Variants in BBS7 observed in about 807,000 individuals in gnomAD.
BBS7 encodes the protein BBSome complex member BBS7.
In BBS7, 50 loss-of-function variants were observed where a neutral mutation model predicts 90.3. The ratio of observed to expected loss-of-function variants is 0.55; its 90% CI spans 0.44 to 0.70. The LOEUF is 0.70. Among genes scored for constraint, BBS7 ranks in the 30% least tolerant of loss-of-function variants. The pLI, the probability that BBS7 is intolerant of heterozygous loss-of-function variation, is 0.00. For synonymous variants in BBS7, 235 were observed against 287.4 expected (o/e 0.82, Z 1.85); for missense variants, 729 against 838.9 (o/e 0.87, Z 1.62).
Position 121,852,996 on chromosome 4 carries a change from C to CTA in BBS7, c.807_808dup (p.Ser270IlefsTer29), listed in dbSNP as rs752429735. On this transcript the variant is annotated frameshift_variant, in exon 8 of 19. Transcript: ENST00000264499. LOFTEE classifies it high-confidence loss of function. ...AACAGGTTCATTTGCATTATCAAAACTATACACTTCCACCATTCCGTCATC... is the reference window on the plus strand; with the variant it reads ...AACAGGTTCATTTGCATTATCAAAACTATATACACTTCCACCATTCCGTCATC... 1 of 1,613,786 alleles carries CTA rather than the reference C, an allele frequency of 6.2e-7. No homozygotes were observed. Among genetic ancestry groups the CTA allele is most frequent in the Admixed American group, 1.7e-5 (1 of 59,992 alleles).
At chr4:121,843,672 C>T (rs1486492588) in intron 12 of BBS7, among the ~76,000 whole-genome samples, 3 of 152,012 alleles carry the variant, frequency 2.0e-5, no homozygotes, top group African/African-American at 4.8e-5. Flanking sequence ...ATCCAAAATC[C>T]AAAATACTTC....
chr4:121,833,478 G>GT, intron 14 of BBS7, 83 bp from the exon 15 acceptor site: 1 of 1,219,712 alleles, frequency 8.2e-7, no homozygotes, highest in Admixed American at 1.8e-5. Context: ...GCAGAATTTT[G>GT]TAATAGTTGT....
chr4:121,828,462 G>C lies in BBS7; in HGVS notation c.1830C>G (p.His610Gln). 1 of 1,613,920 alleles carries C rather than the reference G, an allele frequency of 6.2e-7. No homozygotes were observed. The change falls in exon 17 of 19, where the codon CAC (histidine) becomes CAG (glutamine). Residue 610 changes from histidine (H) to glutamine (Q), a missense_variant. Physicochemically the swap from His to Gln is conservative, Grantham distance 24 (BLOSUM62 0). Transcript: ENST00000264499. ...VSVKHTLKLI[H>Q]PKLEYQLLLA... ...AAAGCAACTGGTACTCCAGCTTTGGGTGGATTAGCTTTAAAGTGTGTTTGA... is the reference window on the plus strand; with the variant it reads ...AAAGCAACTGGTACTCCAGCTTTGGCTGGATTAGCTTTAAAGTGTGTTTGA...
rs1273741713 is a variant in BBS7, at chr4:121,845,537, C to G, written c.1197G>C (p.Glu399Asp). 6.2e-7 allele frequency: 1 copy of G among 1,612,322 alleles called. No homozygotes were observed. Among genetic ancestry groups the G allele is most frequent in the Non-Finnish European group, 8.5e-7 (1 of 1,179,306 alleles). The change falls in exon 11 of 19, where the codon GAG becomes GAC. Residue 399 changes from glutamate (E) to aspartate (D), a missense_variant. By Grantham distance (45) the Glu-to-Asp change is conservative. Coordinates refer to ENST00000264499, the MANE Select transcript of BBS7 (RefSeq NM_176824.3). ...KDDASYSLILEVQTAIDNVLI... is the reference protein window; with the variant it reads ...KDDASYSLILDVQTAIDNVLI... ...AGACATTATCTATTGCAGTCTGTAC[C>G]TCTAAGATAAGGCTGTAACTGGCAT... is the stretch of plus-strand genomic sequence containing the variant.
At chr4:121,854,641 A>G (rs1034495993) in intron 7 of BBS7, 63 bp downstream of exon 7, 2 of 1,477,096 alleles carry the variant, frequency 1.4e-6, no homozygotes, top group African/African-American at 2.8e-5. Context: ...AGAATAAATT[A>G]TATAATTTAA....
At chr4:121,840,639 G>A (rs1040295974) in intron 12 of BBS7, among the ~76,000 whole-genome samples, 3 of 151,946 alleles carry the variant, frequency 2.0e-5, no homozygotes, top group Non-Finnish European at 2.9e-5. Flanking sequence ...GAGAAATGTA[G>A]CTAGGTTCAT....
At chr4:121,845,776 C>T (rs1725983797) in intron 10 of BBS7, 80 bp from the exon 11 acceptor site, 1 of 1,352,920 alleles carries the variant, frequency 7.4e-7, no homozygotes, top group African/African-American at 1.4e-5. Flanking sequence ...AAATTTGAGA[C>T]ATTTGCTTTT....
At chr4:121,844,783 T>C (rs2149067746) in intron 11 of BBS7, among the ~76,000 whole-genome samples, 1 of 152,268 alleles carries the variant, frequency 6.6e-6, no homozygotes, top group South Asian at 2.1e-4. Flanking sequence ...CCTGTTGACC[T>C]ACCAGAAACT....
At chr4:121,869,550 C>A (rs775305832) in intron 1 of BBS7, among the ~76,000 whole-genome samples, 1 of 151,864 alleles carries the variant, frequency 6.6e-6, no homozygotes, top group Non-Finnish European at 1.5e-5. Context: ...TGCTTTTTTT[C>A]CCCCTTTCGA....
intron 2 of BBS7, among the ~76,000 whole-genome samples, chr4:121,864,501 AAT>A (rs1315541982): frequency 4.6e-5 from 7 of 152,214 alleles, no homozygotes; most frequent in African/African-American, 1.2e-4. Context: ...TGTTTTGAAA[AAT>A]AGTTATTTTT....
intron 2 of BBS7, among the ~76,000 whole-genome samples, chr4:121,863,868 T>C (rs1013110494): frequency 3.0e-4 from 46 of 152,264 alleles, no homozygotes; most frequent in African/African-American, 1.1e-3. Flanking sequence ...GAAATAAATA[T>C]AGAGGGACAT....
intron 12 of BBS7, among the ~76,000 whole-genome samples, chr4:121,842,691 C>A (rs1387434093): frequency 6.6e-6 from 1 of 151,924 alleles, no homozygotes; most frequent in East Asian, 1.9e-4. Context: ...TGCAACAGTG[C>A]CAATGCATAT....
At chr4:121,867,713 A>G (rs1727364361) in intron 2 of BBS7, among the ~76,000 whole-genome samples, 1 of 152,150 alleles carries the variant, frequency 6.6e-6, no homozygotes, top group Non-Finnish European at 1.5e-5. Flanking sequence ...TTCTTTTTTC[A>G]TATACACATC....
In BBS7 at chr4:121,861,576, A is replaced by G; in HGVS notation, c.269T>C (p.Ile90Thr). ...EKIFIAAASE[I>T]RGFTKRGKQF... ...TTTTCCTCTTTTTGTGAAGCCTCTAATCTCAGATGCTGCAGCAATAAAAAT... is the reference window on the plus strand; with the variant it reads ...TTTTCCTCTTTTTGTGAAGCCTCTAGTCTCAGATGCTGCAGCAATAAAAAT... The change falls in exon 4 of 19, where the codon ATT becomes ACT. Residue 90 changes from isoleucine to threonine, a missense_variant. Transcript: ENST00000264499. 3.1e-6 allele frequency: 5 copies of G among 1,613,884 alleles called. No individual in the cohort carries two copies. Among genetic ancestry groups the G allele is most frequent in the East Asian group, 2.2e-5 (1 of 44,862 alleles).
rs1009455212 is a variant in BBS7 at position 121,844,333 on chromosome 4, G to A, written c.1231-332C>T. On this transcript the variant is annotated intron_variant, in intron 11 of 18. Transcript: ENST00000264499. ...TACCATGAGCTATAAATAATCACAT[G>A]GCCATTCTGATTGTATCAGTTCATT... Among the ~76,000 whole-genome samples, 20 of 151,948 alleles carry A rather than the reference G, an allele frequency of 1.3e-4. 2 individuals are homozygous for A.
intron 1 of BBS7, among the ~76,000 whole-genome samples, chr4:121,869,351 G>C (rs1727460198): frequency 6.6e-6 from 1 of 152,156 alleles, no homozygotes; most frequent in Non-Finnish European, 1.5e-5. Context: ...ACCAGTTCTG[G>C]AGTCCGAGAC....
At chr4:121,854,632 GAATA>G (rs1223585044) in intron 7 of BBS7, 68 bp downstream of exon 7, 3 of 1,409,740 alleles carry the variant, frequency 2.1e-6, no homozygotes, top group Non-Finnish European at 2.9e-6. Context: ...AGATAAAATA[GAATA>G]AATTATATAA....
chr4:121,830,556 T>C (rs756847971), intron 15 of BBS7, among the ~76,000 whole-genome samples: 17 of 152,220 alleles, frequency 1.1e-4, no homozygotes, highest in African/African-American at 3.1e-4. Flanking sequence ...CCAGGTACTA[T>C]AGAATGACTC....
At chr4:121,829,550 G>A (rs913386306) in intron 15 of BBS7, among the ~76,000 whole-genome samples, 3 of 152,080 alleles carry the variant, frequency 2.0e-5, no homozygotes, top group East Asian at 1.9e-4. Context: ...GAGCCACCAC[G>A]CCCGGCCAGG....
Sources: gnomAD v4.1 joint callset for allele counts (sites outside exome capture counted in the v4.1 genomes callset) on GRCh38, gnomAD v4.1.1 for gene constraint, MANE v1.5 for transcripts, NCBI Gene and HGNC (gene_info 2026-07-23, HGNC 2026-07-21) for gene names.